Variants in NPR3 observed in about 807,000 individuals in gnomAD.
The protein encoded by NPR3 is natriuretic peptide receptor 3.
Under a neutral mutation model 54.5 loss-of-function variants are expected in NPR3, and 34 were observed. The ratio of observed to expected loss-of-function variants is 0.62; its 90% confidence interval spans 0.47 to 0.83. The LOEUF is 0.83. Among genes scored for constraint, NPR3 ranks in the 40% least tolerant of loss-of-function variants. The probability of loss-of-function intolerance (pLI) is 0.00; values close to 1 mark genes in which losing one functional copy is unlikely to be tolerated. For synonymous variants in NPR3, 289 were observed against 297.1 expected (o/e 0.97, Z 0.28); for missense variants, 674 against 720.8 (o/e 0.94, Z 0.74).
intron 3 of NPR3, among the ~76,000 whole-genome samples, chr5:32,746,665 A>G (rs1740317668): frequency 6.6e-6 from 1 of 152,142 alleles, no homozygotes; most frequent in African/African-American, 2.4e-5. Context: ...GTGTTTTTGC[A>G]TTATGCTTTT....
At chr5:32,713,376 C>G (rs1334513099) in intron 1 of NPR3, 8 of 985,344 alleles carry the variant, frequency 8.1e-6, no homozygotes, top group Non-Finnish European at 9.6e-6. Context: ...AGGATGGTGG[C>G]TATGGCTTCG....
chr5:32,760,325 T>C (rs180682770), intron 3 of NPR3, among the ~76,000 whole-genome samples: 4 of 152,324 alleles, frequency 2.6e-5, no homozygotes, highest in African/African-American at 4.8e-5. Context: ...CAGCAATGTA[T>C]GGAGTTACAG....
chr5:32,752,139 G>C (rs1227298454), intron 3 of NPR3, among the ~76,000 whole-genome samples: 1 of 152,158 alleles, frequency 6.6e-6, no homozygotes. Context: ...AGGAGGTGGA[G>C]GTTGCAGTGA....
At chr5:32,738,122 T>G (rs191871669) in intron 2 of NPR3, among the ~76,000 whole-genome samples, 72 of 152,300 alleles carry the variant, frequency 4.7e-4, no homozygotes, top group Middle Eastern at 3.4e-3. Context: ...CAAACTTTTA[T>G]TTTAATAGCA....
chr5:32,767,883 G>C (rs1038069013), intron 3 of NPR3, among the ~76,000 whole-genome samples: 2 of 152,210 alleles, frequency 1.3e-5, no homozygotes, highest in African/African-American at 4.8e-5. Flanking sequence ...GTATCATGAA[G>C]TCAGAGAAAT....
intron 2 of NPR3, among the ~76,000 whole-genome samples, 174 bp from the exon 3 acceptor site, chr5:32,738,690 T>A (rs148720363): frequency 5.5e-4 from 84 of 152,336 alleles, no homozygotes; most frequent in African/African-American, 2.0e-3. Context: ...AAGGGCCTTC[T>A]TCTCCTTTAA....
At position 32,774,691 on chromosome 5, in the gene NPR3, TG is replaced by T; in HGVS notation, c.1060-13del. 2 of 1,605,126 alleles carry T rather than the reference TG, an allele frequency of 1.2e-6. No homozygotes were observed. The highest frequency in any genetic ancestry group is 1.7e-6 in the Non-Finnish European group (2 of 1,171,792). The stretch of plus-strand genomic sequence containing the variant: ...CACTTGGTGTTTTGGTTCACCCATC[TG>T]GGGTTTTCTTTTCAGGTTAACATGT... On this transcript the variant is annotated splice_polypyrimidine_tract_variant and intron_variant, in intron 3 of 7. Coordinates refer to ENST00000265074, the MANE Select transcript of NPR3 (RefSeq NM_001204375.2).
chr5:32,708,327 TAA>T (rs1237422036), upstream of NPR3, among the ~76,000 whole-genome samples: 1 of 152,142 alleles, frequency 6.6e-6, no homozygotes. Context: ...GTCAAATAAA[TAA>T]GTTATTTCTA....
At chr5:32,737,323 G>C (rs890316558) in intron 2 of NPR3, among the ~76,000 whole-genome samples, 4 of 152,166 alleles carry the variant, frequency 2.6e-5, no homozygotes, top group African/African-American at 9.7e-5. Flanking sequence ...GAATGTGGTG[G>C]AGACTGTATT....
intron 6 of NPR3, chr5:32,783,236 G>T (rs1007647150): frequency 2.2e-6 from 1 of 454,628 alleles, no homozygotes; most frequent in Non-Finnish European, 3.8e-6. Flanking sequence ...ATGGTAGAAT[G>T]TTTCTTCCTA....
At chr5:32,780,648 A>C in intron 4 of NPR3, 74 bp from the exon 5 acceptor site, 1 of 790,550 alleles carries the variant, frequency 1.3e-6, no homozygotes, top group South Asian at 1.3e-5. Context: ...CTGCCAATTC[A>C]TTTTCTTGTT....
At chr5:32,745,832 A>G (rs767917268) in intron 3 of NPR3, among the ~76,000 whole-genome samples, 1 of 152,112 alleles carries the variant, frequency 6.6e-6, no homozygotes, top group Non-Finnish European at 1.5e-5. Flanking sequence ...TGAAGTATAA[A>G]CCATCATTCC....
intron 3 of NPR3, among the ~76,000 whole-genome samples, chr5:32,743,991 T>TTG (rs1740169032): frequency 2.1e-5 from 2 of 97,002 alleles, no homozygotes; most frequent in Non-Finnish European, 4.3e-5. Context: ...TGATGCATTT[T>TTG]TTTTTTTTTT....
At chr5:32,736,513 C>A (rs1341410262) in intron 2 of NPR3, among the ~76,000 whole-genome samples, 3 of 152,180 alleles carry the variant, frequency 2.0e-5, no homozygotes, top group Non-Finnish European at 2.9e-5. Flanking sequence ...GACATCACCT[C>A]TACTGAGTCT....
At chr5:32,719,900 A>T (rs185572961) in intron 1 of NPR3, among the ~76,000 whole-genome samples, 2 of 150,694 alleles carry the variant, frequency 1.3e-5, no homozygotes, top group African/African-American at 4.9e-5. Flanking sequence ...GACATGGCAT[A>T]CTCTGCTTTG....
intron 1 of NPR3, among the ~76,000 whole-genome samples, chr5:32,715,048 T>C (rs1738476742): frequency 6.6e-6 from 1 of 152,204 alleles, no homozygotes; most frequent in Admixed American, 6.5e-5. Context: ...TGCGGTTTCA[T>C]TGTAGTTATT....
In NPR3 at chr5:32,774,705, C is replaced by T; in HGVS notation, c.1060-3C>T. 1.9e-6 allele frequency: 3 copies of T among 1,610,806 alleles called. No homozygotes were observed. Among genetic ancestry groups the T allele is most frequent in the Non-Finnish European group, 2.5e-6 (3 of 1,177,034 alleles). On this transcript the variant is annotated splice_polypyrimidine_tract_variant and splice_region_variant and intron_variant, in intron 3 of 7. Transcript: ENST00000265074. ...GTTCACCCATCTGGGGTTTTCTTTT[C>T]AGGTTAACATGTTTGTTGAAGGATT...
At chr5:32,761,851 G>T (rs2112015191) in intron 3 of NPR3, among the ~76,000 whole-genome samples, 1 of 150,764 alleles carries the variant, frequency 6.6e-6, no homozygotes, top group Admixed American at 6.6e-5. Context: ...GTGCAGGTTT[G>T]TTACATAGGT....
At chr5:32,733,442 C>G (rs976052755) in intron 2 of NPR3, among the ~76,000 whole-genome samples, 1 of 152,160 alleles carries the variant, frequency 6.6e-6, no homozygotes, top group African/African-American at 2.4e-5. Context: ...TGTCCATTGG[C>G]ATTACCTACT....
Sources: gnomAD v4.1 joint callset for allele counts (sites outside exome capture counted in the v4.1 genomes callset) on GRCh38, gnomAD v4.1.1 for gene constraint, MANE v1.5 for transcripts, NCBI Gene and HGNC (gene_info 2026-07-23, HGNC 2026-07-21) for gene names.